Variants in CIRSR observed in about 807,000 individuals in gnomAD.
CIRSR encodes the protein CBF1 (RBPJ) interacting corepressor 1.
At chr2:174,373,381 C>CT in the CIRSR span, among the ~76,000 whole-genome samples, 3 of 152,096 alleles carry the variant, frequency 2.0e-5, no homozygotes, top group Non-Finnish European at 4.4e-5. Flanking sequence ...AGTAACTCTG[C>CT]TTTTTTTAGC....
At chr2:174,349,290 A>G in the CIRSR span, 2 of 671,452 alleles carry the variant, frequency 3.0e-6, no homozygotes, top group Non-Finnish European at 4.6e-6. Context: ...TCCATGGCAG[A>G]GCGCGCTGGC....
At chr2:174,353,376 C>A in the CIRSR span, among the ~76,000 whole-genome samples, 1 of 152,072 alleles carries the variant, frequency 6.6e-6, no homozygotes, top group African/African-American at 2.4e-5. Context: ...TGGTTGTTAA[C>A]ATTGATAATA....
chr2:174,364,390 TG>T, the CIRSR span, among the ~76,000 whole-genome samples: 1 of 152,196 alleles, frequency 6.6e-6, no homozygotes, highest in Admixed American at 6.5e-5. Context: ...CCAGGCACAC[TG>T]TGCAAGCTGT....
At chr2:174,371,067 TA>T in the CIRSR span, among the ~76,000 whole-genome samples, 2 of 152,196 alleles carry the variant, frequency 1.3e-5, no homozygotes, top group Non-Finnish European at 1.5e-5. Flanking sequence ...TCTATTTATA[TA>T]AAAAGTACAG....
chr2:174,350,203 T>C, the CIRSR span, among the ~76,000 whole-genome samples: 3 of 152,162 alleles, frequency 2.0e-5, no homozygotes, highest in African/African-American at 7.2e-5. Context: ...GCTCCCTCTA[T>C]TGGACCCAGC....
At chr2:174,356,526 A>G in the CIRSR span, among the ~76,000 whole-genome samples, 406 of 133,356 alleles carry the variant, frequency 3.0e-3, 3 homozygotes, top group East Asian at 0.032. Context: ...AAAGAAAGAA[A>G]GAAGAAAGGA....
chr2:174,385,933 G>A, the CIRSR span, among the ~76,000 whole-genome samples: 1 of 152,124 alleles, frequency 6.6e-6, no homozygotes, highest in Non-Finnish European at 1.5e-5. Flanking sequence ...AAGATCTACT[G>A]ATGAATACCA....
chr2:174,388,544 T>A, the CIRSR span, among the ~76,000 whole-genome samples: 10 of 152,320 alleles, frequency 6.6e-5, no homozygotes, highest in East Asian at 1.9e-3. Context: ...CAAAGCTGTA[T>A]TTATAGTTTA....
the CIRSR span, among the ~76,000 whole-genome samples, chr2:174,392,393 ATT>A: frequency 6.6e-6 from 1 of 152,232 alleles, no homozygotes; most frequent in East Asian, 1.9e-4. Flanking sequence ...TAAATTGTAC[ATT>A]TTACATGGGT....
the CIRSR span, chr2:174,387,637 C>G: frequency 2.6e-6 from 4 of 1,529,350 alleles, no homozygotes; most frequent in Admixed American, 2.2e-5. Flanking sequence ...GAAATTATTC[C>G]CATGAAATTG....
chr2:174,369,967 T>G, the CIRSR span: 60 of 1,363,974 alleles, frequency 4.4e-5, no homozygotes, highest in Non-Finnish European at 5.9e-5. Flanking sequence ...TGCTGATAGA[T>G]TTGCTCAGCA....
At chr2:174,365,765 A>T in the CIRSR span, among the ~76,000 whole-genome samples, 1 of 152,124 alleles carries the variant, frequency 6.6e-6, no homozygotes, top group Admixed American at 6.6e-5. Flanking sequence ...TTTACCTCCC[A>T]CTGGGTCCTT....
At chr2:174,366,230 T>C in the CIRSR span, among the ~76,000 whole-genome samples, 1 of 152,138 alleles carries the variant, frequency 6.6e-6, no homozygotes, top group Non-Finnish European at 1.5e-5. Flanking sequence ...AGGTGTTACA[T>C]GTGTATAATG....
chr2:174,389,495 C>G, the CIRSR span, among the ~76,000 whole-genome samples: 16 of 152,068 alleles, frequency 1.1e-4, no homozygotes, highest in Admixed American at 1.0e-3. Flanking sequence ...AATTTCTAAG[C>G]AGTAAAGCAT....
At chr2:174,357,208 T>C in the CIRSR span, among the ~76,000 whole-genome samples, 1 of 152,216 alleles carries the variant, frequency 6.6e-6, no homozygotes, top group African/African-American at 2.4e-5. Flanking sequence ...ATTTCCCACA[T>C]TCTGGACAGT....
At chr2:174,378,575 G>GTC in the CIRSR span, 1 of 291,674 alleles carries the variant, frequency 3.4e-6, no homozygotes, top group African/African-American at 2.3e-5. Flanking sequence ...TTTCAGTACA[G>GTC]TCTATTTTTA....
the CIRSR span, among the ~76,000 whole-genome samples, chr2:174,378,139 G>A: frequency 2.0e-5 from 3 of 151,882 alleles, no homozygotes; most frequent in Non-Finnish European, 4.4e-5. Context: ...GTATACTGAG[G>A]TTTCATGTAA....
At chr2:174,392,948 G>T in the CIRSR span, among the ~76,000 whole-genome samples, 4 of 152,324 alleles carry the variant, frequency 2.6e-5, no homozygotes, top group South Asian at 4.1e-4. Flanking sequence ...CTAGTTGGAT[G>T]TGATTGCTTG....
chr2:174,386,429 G>A, the CIRSR span, among the ~76,000 whole-genome samples: 10 of 152,106 alleles, frequency 6.6e-5, no homozygotes, highest in African/African-American at 1.9e-4. Context: ...TGATCTGCCC[G>A]CCTTGGCCTC....
Sources: allele counts gnomAD v4.1 joint callset (sites outside exome capture counted in the v4.1 genomes callset), GRCh38; gene constraint gnomAD v4.1.1; transcripts MANE v1.5; gene names NCBI Gene and HGNC (gene_info 2026-07-23, HGNC 2026-07-21).